KIF13B: variants seen among roughly 807,000 people sequenced by gnomAD.
KIF13B encodes the protein kinesin family member 13B.
In KIF13B, 127 loss-of-function variants were observed where a neutral mutation model predicts 222.0. That is an observed-to-expected ratio of 0.57 (90% CI 0.50 to 0.66). The LOEUF is 0.66. Ranked by LOEUF, KIF13B falls within the 30% of genes least tolerant of loss-of-function variation. KIF13B has a pLI of 0.00. For synonymous variants in KIF13B, 976 were observed against 919.0 expected, an observed-to-expected ratio of 1.06 and a Z score of -1.12; for missense variants, 2,173 against 2,379.0, an observed-to-expected ratio of 0.91 and a Z score of 1.80.
intron 12 of KIF13B, among the ~76,000 whole-genome samples, chr8:29,164,589 A>G (rs965783429): frequency 6.6e-6 from 1 of 152,198 alleles, no homozygotes; most frequent in Admixed American, 6.5e-5. Flanking sequence ...CTTAGCTACA[A>G]AAGAACAAAC....
rs537689375 is a variant in KIF13B at position 29,231,154 on chromosome 8, G to A, written c.149+14192C>T. ...CTCAGCCTCCCAAAGTGCTGGGACT[G>A]CAGGCATGAACCACCACGCCCGGAC... is the stretch of plus-strand genomic sequence containing the variant. On this transcript the variant is annotated intron_variant, in intron 2 of 39. Transcript: ENST00000524189. Among the ~76,000 whole-genome samples, 3 of 152,202 alleles carry A rather than the reference G, an allele frequency of 2.0e-5. No homozygotes were observed. In the South Asian group the frequency reaches 6.2e-4, roughly 32 times the overall value.
At chr8:29,073,551 A>T (rs1012506621) in intron 38 of KIF13B, among the ~76,000 whole-genome samples, 1 of 152,198 alleles carries the variant, frequency 6.6e-6, no homozygotes, top group Non-Finnish European at 1.5e-5. Context: ...GGAACAGGGA[A>T]TGAGATTGGT....
chr8:29,090,701 GTATTTT>G (rs371777732), intron 37 of KIF13B, among the ~76,000 whole-genome samples: 71 of 152,212 alleles, frequency 4.7e-4, no homozygotes, highest in African/African-American at 1.7e-3. Context: ...TATACTTTAT[GTATTTT>G]TATTTTTATT....
At chr8:29,149,154 G>T (rs1477515608) in intron 15 of KIF13B, among the ~76,000 whole-genome samples, 1 of 152,184 alleles carries the variant, frequency 6.6e-6, no homozygotes, top group African/African-American at 2.4e-5. Context: ...ATTCCCTGGA[G>T]AAATGGGTAA....
At chr8:29,200,067 G>A (rs1310634323) in intron 2 of KIF13B, among the ~76,000 whole-genome samples, 1 of 152,048 alleles carries the variant, frequency 6.6e-6, no homozygotes, top group African/African-American at 2.4e-5. Context: ...AAGAATCCAT[G>A]GGACTAACCT....
At chr8:29,179,989 C>T (rs961117217) in intron 8 of KIF13B, 115 bp downstream of exon 8, 2 of 1,161,546 alleles carry the variant, frequency 1.7e-6, no homozygotes, top group African/African-American at 3.1e-5. Flanking sequence ...CCAGAGTCCT[C>T]ATTGATACAC....
intron 1 of KIF13B, 107 bp downstream of exon 1, chr8:29,262,873 G>T (rs916825281): frequency 3.5e-6 from 3 of 865,278 alleles, no homozygotes; most frequent in Non-Finnish European, 5.0e-6. Flanking sequence ...GCGCCCCGCC[G>T]CTGACTATAG....
rs145512008 is a variant in KIF13B at position 29,219,246 on chromosome 8, G to A, written c.150-23047C>T. ...CACTGGCGATGTTGGAAAGAACTGGGCAAGATGTGGAATAATAACGCTGCT... is the reference window on the plus strand; with the variant it reads ...CACTGGCGATGTTGGAAAGAACTGGACAAGATGTGGAATAATAACGCTGCT... On this transcript the variant is annotated intron_variant, in intron 2 of 39. Coordinates refer to ENST00000524189, the MANE Select transcript of KIF13B (RefSeq NM_015254.4). The A allele has an allele frequency of 2.3e-3, 352 of 152,448 alleles. 2 individuals carry two copies. The highest frequency in any genetic ancestry group is 8.2e-3 in the African/African-American group (339 of 41,564). The allele number at this position is 152,448 out of a possible 1,614,324, so 9.4% of individuals were successfully genotyped here.
chr8:29,250,482 A>G (rs1163823607), intron 1 of KIF13B, among the ~76,000 whole-genome samples: 2 of 152,208 alleles, frequency 1.3e-5, no homozygotes, highest in Admixed American at 1.3e-4. Context: ...ATCCAAAATA[A>G]TACAAAAAAA....
intron 10 of KIF13B, among the ~76,000 whole-genome samples, chr8:29,168,138 A>C (rs1261771180): frequency 6.6e-6 from 1 of 152,242 alleles, no homozygotes; most frequent in Admixed American, 6.5e-5. Flanking sequence ...AAGCAACTTC[A>C]TTTTCTTCGC....
chr8:29,117,347 T>C (rs1443040268), intron 30 of KIF13B, among the ~76,000 whole-genome samples: 1 of 152,238 alleles, frequency 6.6e-6, no homozygotes, highest in African/African-American at 2.4e-5. Context: ...TTTGCTTCTC[T>C]TTCTCACAAC....
At chr8:29,235,806 C>T (rs933788881) in intron 2 of KIF13B, among the ~76,000 whole-genome samples, 3 of 152,232 alleles carry the variant, frequency 2.0e-5, no homozygotes, top group East Asian at 1.9e-4. Flanking sequence ...GGTCTGGTGA[C>T]GGTGAGTTCC....
At position 29,262,501 on chromosome 8, in the gene KIF13B, G is replaced by C. The variant is rs558386970; in HGVS notation, c.55+479C>G. On this transcript the variant is annotated intron_variant, in intron 1 of 39. Transcript: ENST00000524189. ...TCCCGCCGCGGGCCAAGGCGGTGCAGGCTTGGGCGACCCGGGCGAGACGCG... is the reference window on the plus strand; with the variant it reads ...TCCCGCCGCGGGCCAAGGCGGTGCACGCTTGGGCGACCCGGGCGAGACGCG... Among the ~76,000 whole-genome samples the C allele has an allele frequency of 3.9e-5, 6 of 152,222 alleles. No individual in the cohort carries two copies. The South Asian group carries it at 1.2e-3, about 32-fold the overall frequency.
chr8:29,211,994 T>C (rs1464897204), intron 2 of KIF13B, among the ~76,000 whole-genome samples: 20 of 152,204 alleles, frequency 1.3e-4, no homozygotes, highest in Admixed American at 1.3e-3. Flanking sequence ...TTAGCATGTT[T>C]TTAAGATTCA....
chr8:29,216,809 G>A (rs573257721), intron 2 of KIF13B, among the ~76,000 whole-genome samples: 26 of 152,230 alleles, frequency 1.7e-4, no homozygotes, highest in African/African-American at 6.0e-4. Context: ...CTGAGACTGG[G>A]CTATGACCTA....
chr8:29,104,869 C>T (rs941354856), intron 35 of KIF13B, among the ~76,000 whole-genome samples: 4 of 152,174 alleles, frequency 2.6e-5, no homozygotes, highest in East Asian at 1.9e-4. Flanking sequence ...CTCAGCCTCC[C>T]GAGTAGCTGG....
At chr8:29,146,053 G>A (rs1370583777) in intron 18 of KIF13B, 4 of 540,266 alleles carry the variant, frequency 7.4e-6, no homozygotes, top group African/African-American at 5.7e-5. Context: ...GGTAGCATAA[G>A]GAAGGAAAAA....
chr8:29,235,146 T>C (rs189594581), intron 2 of KIF13B, among the ~76,000 whole-genome samples: 2 of 152,258 alleles, frequency 1.3e-5, no homozygotes, highest in Admixed American at 1.3e-4. Flanking sequence ...ACTTAAAATA[T>C]AACCTAGCTC....
chr8:29,193,701 T>C (rs1467150458), intron 3 of KIF13B, among the ~76,000 whole-genome samples: 2 of 152,212 alleles, frequency 1.3e-5, no homozygotes, highest in African/African-American at 4.8e-5. Flanking sequence ...AATGGTGTAG[T>C]ATTTGCATAA....
Sources: gnomAD v4.1 joint callset for allele counts (sites outside exome capture counted in the v4.1 genomes callset) on GRCh38, gnomAD v4.1.1 for gene constraint, MANE v1.5 for transcripts, NCBI Gene and HGNC (gene_info 2026-07-23, HGNC 2026-07-21) for gene names.